The following CDKAL1 variants were observed in gnomAD, a reference collection of about 807,000 sequenced individuals.
CDKAL1 encodes the protein threonylcarbamoyladenosine tRNA methylthiotransferase.
A neutral mutation model predicts 68.2 loss-of-function variants in CDKAL1; 32 were observed. The ratio of observed to expected loss-of-function variants is 0.47; its 90% CI spans 0.35 to 0.63. The LOEUF is 0.63. CDKAL1 is among the 30% of genes least tolerant of loss of function. The pLI, the probability that CDKAL1 is intolerant of heterozygous loss-of-function variation, is 0.00. For missense variants in CDKAL1, 606 were observed against 696.7 expected (o/e 0.87, Z 1.47); for synonymous variants, 234 against 244.3 (o/e 0.96, Z 0.39).
chr6:20,595,622 T>C (rs10223876), intron 4 of CDKAL1, among the ~76,000 whole-genome samples: 3,786 of 152,166 alleles, frequency 0.025, 143 homozygotes, highest in African/African-American at 0.08. Context: ...TAGAACATGC[T>C]CCTTTAGCTC....
chr6:21,025,623 T>G (rs1189554720), intron 11 of CDKAL1, among the ~76,000 whole-genome samples: 1 of 152,148 alleles, frequency 6.6e-6, no homozygotes, highest in Admixed American at 6.6e-5. Context: ...ACTATTATTT[T>G]CTCCAGGCCC....
intron 9 of CDKAL1, among the ~76,000 whole-genome samples, chr6:20,900,104 A>G (rs1761890092): frequency 6.6e-6 from 1 of 152,200 alleles, no homozygotes; most frequent in Non-Finnish European, 1.5e-5. Context: ...TCTAGTCTTC[A>G]ACTTTTTACC....
intron 8 of CDKAL1, among the ~76,000 whole-genome samples, chr6:20,810,369 C>G (rs1344248501): frequency 9.6e-6 from 1 of 104,136 alleles, no homozygotes; most frequent in Non-Finnish European, 1.9e-5. Flanking sequence ...TAGTGAGAGT[C>G]TCTCTCTCTC....
At chr6:20,680,518 G>A (rs1770327023) in intron 5 of CDKAL1, among the ~76,000 whole-genome samples, 3 of 152,224 alleles carry the variant, frequency 2.0e-5, no homozygotes, top group African/African-American at 7.2e-5. Flanking sequence ...TGTTAGCAAT[G>A]TTTGATTCCT....
intron 10 of CDKAL1, among the ~76,000 whole-genome samples, chr6:20,978,028 A>T (rs1221328644): frequency 6.6e-6 from 1 of 152,244 alleles, no homozygotes. Flanking sequence ...CTGAATCTAA[A>T]ATTTGATACT....
At chr6:21,163,960 A>G (rs1363359196) in intron 13 of CDKAL1, among the ~76,000 whole-genome samples, 2 of 151,128 alleles carry the variant, frequency 1.3e-5, no homozygotes, top group African/African-American at 4.9e-5. Flanking sequence ...TCAAAAACAA[A>G]AAAAGAAAAG....
intron 4 of CDKAL1, among the ~76,000 whole-genome samples, chr6:20,568,750 A>AC (rs1764577666): frequency 1.1e-5 from 1 of 89,870 alleles, no homozygotes; most frequent in Non-Finnish European, 2.2e-5. Flanking sequence ...AAAAAAAAAA[A>AC]CAAAAAAACA....
At chr6:20,639,528 T>G (rs973450368) in intron 4 of CDKAL1, among the ~76,000 whole-genome samples, 2 of 152,242 alleles carry the variant, frequency 1.3e-5, no homozygotes, top group African/African-American at 2.4e-5. Flanking sequence ...GAAAATACTT[T>G]ATCATGAATC....
intron 11 of CDKAL1, among the ~76,000 whole-genome samples, chr6:21,032,787 T>C (rs1769367418): frequency 1.3e-5 from 2 of 152,206 alleles, no homozygotes; most frequent in African/African-American, 4.8e-5. Flanking sequence ...TTTATGTATG[T>C]ACACTCTGTG....
intron 8 of CDKAL1, among the ~76,000 whole-genome samples, chr6:20,803,550 G>A (rs1005439446): frequency 2.7e-4 from 41 of 152,312 alleles, no homozygotes; most frequent in Non-Finnish European, 1.2e-4. Context: ...AGCCATTGGC[G>A]GTGATAGTAA....
chr6:21,197,499 A>G (rs1291388836), intron 13 of CDKAL1, among the ~76,000 whole-genome samples: 1 of 152,248 alleles, frequency 6.6e-6, no homozygotes, highest in South Asian at 2.1e-4. Context: ...TCAGAATTGT[A>G]TGTAAGATAT....
chr6:21,120,107 G>A (rs1218606464), intron 13 of CDKAL1, among the ~76,000 whole-genome samples: 2 of 152,148 alleles, frequency 1.3e-5, no homozygotes, highest in Non-Finnish European at 1.5e-5. Flanking sequence ...TTGACATTGT[G>A]TGCTCATATA....
intron 2 of CDKAL1, among the ~76,000 whole-genome samples, chr6:20,537,404 C>T (rs1763217211): frequency 6.6e-6 from 1 of 152,106 alleles, no homozygotes; most frequent in Non-Finnish European, 1.5e-5. Context: ...GTTGGGAGTT[C>T]AAGACCAGCC....
intron 7 of CDKAL1, among the ~76,000 whole-genome samples, chr6:20,774,761 T>C (rs1775102329): frequency 6.6e-6 from 1 of 152,220 alleles, no homozygotes; most frequent in South Asian, 2.1e-4. Context: ...ATTTTTACAA[T>C]GTATAATAAT....
At chr6:20,948,010 C>CTTTTT (rs541978769) in intron 9 of CDKAL1, among the ~76,000 whole-genome samples, 2 of 115,156 alleles carry the variant, frequency 1.7e-5, no homozygotes, top group African/African-American at 3.3e-5. Flanking sequence ...GTGAAGGTCA[C>CTTTTT]TTTTTTTTTT....
chr6:21,140,918 C>T (rs371612242), intron 13 of CDKAL1, among the ~76,000 whole-genome samples: 4 of 152,064 alleles, frequency 2.6e-5, no homozygotes, highest in East Asian at 1.9e-4. Context: ...TACATGGCGG[C>T]GCCAGGAGAA....
intron 13 of CDKAL1, among the ~76,000 whole-genome samples, chr6:21,176,977 G>GT (rs1777610413): frequency 6.6e-6 from 1 of 152,066 alleles, no homozygotes; most frequent in African/African-American, 2.4e-5. Flanking sequence ...GATTACAGGC[G>GT]TGAGCCACTG....
At chr6:20,567,481 C>T (rs531897302) in intron 4 of CDKAL1, among the ~76,000 whole-genome samples, 4 of 152,090 alleles carry the variant, frequency 2.6e-5, no homozygotes, top group South Asian at 2.1e-4. Flanking sequence ...TCTATTTAAA[C>T]GTGTTTCTCT....
intron 5 of CDKAL1, among the ~76,000 whole-genome samples, chr6:20,709,423 C>G (rs940750964): frequency 6.6e-6 from 1 of 151,848 alleles, no homozygotes; most frequent in South Asian, 2.1e-4. Context: ...GGAGCATTTT[C>G]AATTTTGGAT....
Sources: allele counts gnomAD v4.1 joint callset (sites outside exome capture counted in the v4.1 genomes callset), GRCh38; gene constraint gnomAD v4.1.1; transcripts MANE v1.5; gene names NCBI Gene and HGNC (gene_info 2026-07-23, HGNC 2026-07-21).